Variants in NLN observed in about 807,000 individuals in gnomAD.
The protein encoded by NLN is neurolysin, mitochondrial.
Under a neutral mutation model 79.9 loss-of-function variants are expected in NLN, and 64 were observed. That is an observed-to-expected ratio of 0.80 (90% CI 0.65 to 0.99). The LOEUF (loss-of-function observed/expected upper bound fraction) is 0.99, where lower values mean the gene tolerates loss of function less well. Ranked by LOEUF, NLN falls within the 50% of genes least tolerant of loss-of-function variation. The pLI, the probability that NLN is intolerant of heterozygous loss-of-function variation, is 0.00. For missense variants in NLN, 835 were observed against 858.7 expected, an observed-to-expected ratio of 0.97 and a Z score of 0.34; for synonymous variants, 267 against 296.6, an observed-to-expected ratio of 0.90 and a Z score of 1.02.
chr5:65,752,554 T>G (rs940194813), intron 1 of NLN, among the ~76,000 whole-genome samples: 8 of 152,306 alleles, frequency 5.3e-5, no homozygotes, highest in Admixed American at 3.9e-4. Context: ...GTGCAGCTGC[T>G]GGAATGACTA....
At chr5:65,759,828 T>G (rs542698083) in intron 2 of NLN, among the ~76,000 whole-genome samples, 1 of 152,276 alleles carries the variant, frequency 6.6e-6, no homozygotes, top group East Asian at 1.9e-4. Flanking sequence ...AGGTGATGGG[T>G]TTATAGCTAA....
Position 65,828,038 on chromosome 5 carries a change from G to C in NLN, c.*5123G>C, listed in dbSNP as rs1482326321. The C allele has an allele frequency of 6.6e-6, 1 of 152,112 alleles. No homozygotes were observed. The highest frequency in any genetic ancestry group is 1.5e-5 in the Non-Finnish European group (1 of 68,012). 9.4% of individuals were successfully genotyped at this position (152,112 alleles called of 1,614,324 possible). A position where few individuals can be genotyped will look rare whatever the true frequency, so the allele number is the denominator to read the frequency against. On this transcript the variant is annotated 3_prime_UTR_variant, in exon 13 of 13. Coordinates refer to ENST00000380985, the MANE Select transcript of NLN (RefSeq NM_020726.5). ...GTCTCAAAAGTAAAAAAATAATAATGTTTAAAAATATTTCAATGTGGAGAC... is the reference window on the plus strand; with the variant it reads ...GTCTCAAAAGTAAAAAAATAATAATCTTTAAAAATATTTCAATGTGGAGAC...
At chr5:65,818,309 C>T (rs1245803474) in intron 12 of NLN, among the ~76,000 whole-genome samples, 1 of 152,162 alleles carries the variant, frequency 6.6e-6, no homozygotes, top group Non-Finnish European at 1.5e-5. Flanking sequence ...TGCTTCACAA[C>T]TATTTAATTT....
chr5:65,782,808 A>G (rs960588865), intron 6 of NLN, among the ~76,000 whole-genome samples: 19 of 152,296 alleles, frequency 1.2e-4, no homozygotes, highest in African/African-American at 4.3e-4. Flanking sequence ...TGCCAAAAAA[A>G]CACCTCCCAA....
intron 6 of NLN, among the ~76,000 whole-genome samples, chr5:65,782,221 C>CA (rs1759816244): frequency 6.6e-6 from 1 of 152,114 alleles, no homozygotes; most frequent in African/African-American, 2.4e-5. Flanking sequence ...CCCAGTTTTG[C>CA]CCACAGGGAA....
intron 11 of NLN, 86 bp from the exon 12 acceptor site, chr5:65,812,169 C>G (rs1760561696): frequency 1.8e-6 from 2 of 1,114,378 alleles, no homozygotes. Context: ...CCACAGCTGG[C>G]CTCCTCAGAG....
chr5:65,722,328 C>T lies in NLN; in HGVS notation c.-46C>T. 1 of 1,503,864 alleles carries T rather than the reference C, an allele frequency of 6.6e-7. No homozygotes were observed. Among genetic ancestry groups the T allele is most frequent in the Non-Finnish European group, 8.9e-7 (1 of 1,125,076 alleles). 93.2% of individuals were successfully genotyped at this position (1,503,864 alleles called of 1,614,324 possible). A position where few individuals can be genotyped will look rare whatever the true frequency, so the allele number is the denominator to read the frequency against. ...CGCTGCCGCCCGCCTCGCCGCCCCA[C>T]GCCGAAGGACCACGCGCCCGCCGCC... On this transcript the variant is annotated 5_prime_UTR_variant, in exon 1 of 13. The change creates a new upstream start codon in the 5' untranslated region. Transcript: ENST00000380985.
rs1760593375 is a variant in NLN, at chr5:65,813,221, A to T, written c.1980+830A>T. ...ATTCCCTCCCCATCTTCCTCCTGAA[A>T]TAACACCTCCAAGGTACCCATACTT... On this transcript the variant is annotated intron_variant, in intron 12 of 12. Transcript: ENST00000380985. Among the ~76,000 whole-genome samples, 2 of 152,186 alleles carry T rather than the reference A, an allele frequency of 1.3e-5. 1 individual carries two copies. The highest frequency in any genetic ancestry group is 3.8e-4 in the East Asian group (2 of 5,198).
intron 1 of NLN, among the ~76,000 whole-genome samples, chr5:65,735,918 T>C (rs1758717590): frequency 6.6e-6 from 1 of 152,222 alleles, no homozygotes; most frequent in Non-Finnish European, 1.5e-5. Context: ...CAGAGCCTAA[T>C]ACTTATTCAT....
chr5:65,731,742 C>CTTTTTTTTTT lies in NLN; in HGVS notation c.41+9345_41+9354dup, dbSNP rs761722243. 6.5e-5 allele frequency among the ~76,000 whole-genome samples: 4 copies of CTTTTTTTTTT among 62,012 alleles called. 1 individual carries two copies. The highest frequency in any genetic ancestry group is 1.3e-4 in the Non-Finnish European group (4 of 31,094). 40.7% of individuals were successfully genotyped at this position (62,012 alleles called of 152,430 possible). ...GTATTTTAAAAATCACCTACATTTT[C>CTTTTTTTTTT]TTTTTTTTTTTTTTTTTTTTTTTTT... is the stretch of plus-strand genomic sequence containing the variant. On this transcript the variant is annotated intron_variant, in intron 1 of 12. Transcript: ENST00000380985.
intron 3 of NLN, among the ~76,000 whole-genome samples, chr5:65,769,309 A>G (rs1224677078): frequency 6.6e-6 from 1 of 152,256 alleles, no homozygotes; most frequent in African/African-American, 2.4e-5. Flanking sequence ...AAGGAAAAAC[A>G]ATAGAATGAA....
chr5:65,790,654 C>T (rs575600470), intron 8 of NLN, among the ~76,000 whole-genome samples: 1 of 152,320 alleles, frequency 6.6e-6, no homozygotes, highest in African/African-American at 2.4e-5. Context: ...AACTACAATT[C>T]AAGATAAGCT....
intron 11 of NLN, among the ~76,000 whole-genome samples, 184 bp from the exon 12 acceptor site, chr5:65,812,071 T>C (rs934751174): frequency 3.3e-5 from 5 of 152,160 alleles, no homozygotes; most frequent in Non-Finnish European, 5.9e-5. Flanking sequence ...GGTTGAGCCA[T>C]TGATAGATGT....
chr5:65,722,350 C>A lies in NLN; in HGVS notation c.-24C>A. ...CCACGCCGAAGGACCACGCGCCCGC[C>A]GCCGCCAGCCTCTCAGCGCTCCCAT... On this transcript the variant is annotated 5_prime_UTR_variant, in exon 1 of 13. Coordinates refer to ENST00000380985, the MANE Select transcript of NLN (RefSeq NM_020726.5). The A allele has an allele frequency of 1.3e-6, 2 of 1,547,846 alleles. No homozygotes were observed. The highest frequency in any genetic ancestry group is 1.7e-6 in the Non-Finnish European group (2 of 1,150,572).
At chr5:65,728,396 G>A (rs909524333) in intron 1 of NLN, among the ~76,000 whole-genome samples, 1 of 152,124 alleles carries the variant, frequency 6.6e-6, no homozygotes, top group Non-Finnish European at 1.5e-5. Context: ...CCTGCAATGA[G>A]TAATAGTGCT....
Position 65,788,210 on chromosome 5 carries a change from G to T in NLN, c.1051G>T (p.Glu351Ter). 2 of 1,614,120 alleles carry T rather than the reference G, an allele frequency of 1.2e-6. No homozygotes were observed. Among genetic ancestry groups the T allele is most frequent in the Non-Finnish European group, 8.5e-7 (1 of 1,179,990 alleles). Residue 351 changes from glutamate to a stop codon, truncating the protein, a stop_gained, in exon 8 of 13, where the codon GAA becomes TAA. Transcript: ENST00000380985. LOFTEE classifies it high-confidence loss of function. ...AAAGGAATGCAAAGACAGGGGTTTT[G>T]AATATGATGGGAAAATCAATGCCTG... is the stretch of plus-strand genomic sequence containing the variant. ...KKKECKDRGF[E>*]YDGKINAWDL...
At chr5:65,729,322 G>C (rs1476533093) in intron 1 of NLN, among the ~76,000 whole-genome samples, 2 of 150,110 alleles carry the variant, frequency 1.3e-5, no homozygotes, top group African/African-American at 4.9e-5. Flanking sequence ...GAGCTAGGTT[G>C]ACATTATTTG....
intron 9 of NLN, among the ~76,000 whole-genome samples, chr5:65,795,151 C>T (rs1479494904): frequency 2.0e-5 from 3 of 151,652 alleles, no homozygotes; most frequent in Non-Finnish European, 4.4e-5. Context: ...CCTAGGGGTT[C>T]AAGACCAGGC....
At chr5:65,812,430 T>C (rs1760574295) in intron 12 of NLN, 39 bp downstream of exon 12, 2 of 1,374,586 alleles carry the variant, frequency 1.5e-6, no homozygotes, top group Non-Finnish European at 2.0e-6. Flanking sequence ...ATTTTGTAGT[T>C]GCTCCCTCCC....
Sources: gnomAD v4.1 joint callset for allele counts (sites outside exome capture counted in the v4.1 genomes callset) on GRCh38, gnomAD v4.1.1 for gene constraint, MANE v1.5 for transcripts, NCBI Gene and HGNC (gene_info 2026-07-23, HGNC 2026-07-21) for gene names.